Variants in DPP6 observed in about 807,000 individuals in gnomAD.
DPP6 encodes A-type potassium channel modulatory protein DPP6.
In DPP6, 69 loss-of-function variants were observed where a neutral mutation model predicts 122.6. The ratio of observed to expected loss-of-function variants is 0.56; its 90% confidence interval spans 0.46 to 0.69. DPP6 has a LOEUF of 0.69. DPP6 is among the 30% of genes least tolerant of loss of function. DPP6 has a pLI of 0.00. For missense variants in DPP6, 928 were observed against 1,116.9 expected (o/e 0.83, Z 2.41); for synonymous variants, 418 against 433.1 (o/e 0.97, Z 0.43).
rs997049912 is a variant in DPP6, at chr7:154,486,092, A to G, written c.457+11055A>G. On this transcript the variant is annotated intron_variant, in intron 3 of 25. Coordinates refer to ENST00000377770, the MANE Select transcript of DPP6 (RefSeq NM_130797.4). This position sits in a 1 kb window ranked among gnomAD's most constrained non-coding sequence, Gnocchi z 4.5. ...ATCCAGGGTGTTCCTGCCTCAGTGTACCTTGCCTCCCCGGTCTCCTCACCA... is the reference window on the plus strand; with the variant it reads ...ATCCAGGGTGTTCCTGCCTCAGTGTGCCTTGCCTCCCCGGTCTCCTCACCA... 1.3e-5 allele frequency among the ~76,000 whole-genome samples: 2 copies of G among 151,724 alleles called. No homozygotes were observed. Among genetic ancestry groups the G allele is most frequent in the African/African-American group, 4.8e-5 (2 of 41,280 alleles).
At chr7:154,062,748 C>T (rs1342935777) in intron 1 of DPP6, among the ~76,000 whole-genome samples, 6 of 70,088 alleles carry the variant, frequency 8.6e-5, no homozygotes, top group Non-Finnish European at 1.3e-4. Context: ...GCACCCTCCG[C>T]GAGGCAGGGA....
chr7:153,955,882 C>T (rs771281300), intron 1 of DPP6, among the ~76,000 whole-genome samples: 2 of 152,178 alleles, frequency 1.3e-5, no homozygotes, highest in Non-Finnish European at 2.9e-5. Flanking sequence ...TGTGCACTCT[C>T]AGATATAGCT....
rs1831605149 is a variant in DPP6 at position 154,575,620 on chromosome 7, TG to T, written c.627+8706del. Among the ~76,000 whole-genome samples the T allele has an allele frequency of 3.1e-4, 26 of 84,036 alleles. 1 individual carries two copies. Among genetic ancestry groups the T allele is most frequent in the African/African-American group, 1.2e-3 (23 of 19,042 alleles). The allele number at this position is 84,036 out of a possible 152,430, so 55.1% of individuals were successfully genotyped here. On this transcript the variant is annotated intron_variant, in intron 5 of 25. Transcript: ENST00000377770. ...TGTGTGTGGTGTGTGTATGTGTGTG[TG>T]GTGTGTGTGTGGTGTGTGTGGTGTG...
chr7:154,090,582 C>T (rs1804735194), intron 1 of DPP6, among the ~76,000 whole-genome samples: 1 of 151,912 alleles, frequency 6.6e-6, no homozygotes, highest in South Asian at 2.1e-4. Context: ...AATACAAAGC[C>T]ACCACCACCA....
intron 5 of DPP6, among the ~76,000 whole-genome samples, chr7:154,622,017 C>T (rs1834719502): frequency 6.6e-6 from 1 of 152,176 alleles, no homozygotes; most frequent in Non-Finnish European, 1.5e-5. Context: ...TGCTTATTTT[C>T]TCTGGTTTTA....
At chr7:154,705,608 G>A (rs1253257525) in intron 7 of DPP6, among the ~76,000 whole-genome samples, 2 of 152,184 alleles carry the variant, frequency 1.3e-5, no homozygotes, top group African/African-American at 4.8e-5. Flanking sequence ...CCCATGGCTG[G>A]GGTGGCAGGG....
intron 16 of DPP6, among the ~76,000 whole-genome samples, chr7:154,812,705 G>C (rs1171945431): frequency 6.6e-6 from 1 of 152,152 alleles, no homozygotes; most frequent in Non-Finnish European, 1.5e-5. Flanking sequence ...ATAAATGTGG[G>C]GGGGACATAA....
At position 154,887,825 on chromosome 7, in the gene DPP6, C is replaced by T. The variant is rs1227395227; in HGVS notation, c.2304+91C>T. Reference sequence around the variant, plus strand: ...GCCCTGGCTGTATGGCCCACTCTGCCTTCCCCAGCCCCATGCTTCTCCCTC... The same window carrying T: ...GCCCTGGCTGTATGGCCCACTCTGCTTTCCCCAGCCCCATGCTTCTCCCTC... On this transcript the variant is annotated intron_variant, in intron 23 of 25. Coordinates refer to ENST00000377770, the MANE Select transcript of DPP6 (RefSeq NM_130797.4). 12 of 1,425,634 alleles carry T rather than the reference C, an allele frequency of 8.4e-6. No homozygotes were observed. The Admixed American group carries it at 2.0e-4, about 24-fold the overall frequency. 88.3% of individuals were successfully genotyped at this position (1,425,634 alleles called of 1,614,324 possible). A position where few individuals can be genotyped will look rare whatever the true frequency, so the allele number is the denominator to read the frequency against.
intron 5 of DPP6, among the ~76,000 whole-genome samples, chr7:154,581,211 AG>A (rs899619216): frequency 6.6e-6 from 1 of 152,146 alleles, no homozygotes; most frequent in African/African-American, 2.4e-5. Flanking sequence ...GATACAAGCG[AG>A]GGTAGCAGGA....
chr7:154,345,634 T>C (rs1218745482), intron 1 of DPP6, among the ~76,000 whole-genome samples: 1 of 152,160 alleles, frequency 6.6e-6, no homozygotes, highest in African/African-American at 2.4e-5. Context: ...CGCCCCTACC[T>C]TGGGCTTTGC....
chr7:154,388,639 G>C (rs141094675), intron 1 of DPP6, among the ~76,000 whole-genome samples: 1 of 152,092 alleles, frequency 6.6e-6, no homozygotes, highest in Non-Finnish European at 1.5e-5. Flanking sequence ...CCAGGCCAGC[G>C]TGCTCTGGCT....
Position 154,857,261 on chromosome 7 carries a change from T to C in DPP6, c.1714+3434T>C, listed in dbSNP as rs183105111. ...GGGGTCCCATCTTGCTCAGTGTCTA[T>C]GTTACATTCAGACTTCATGATTTGA... On this transcript the variant is annotated intron_variant, in intron 17 of 25. Transcript: ENST00000377770. 4.3e-4 allele frequency among the ~76,000 whole-genome samples: 66 copies of C among 152,312 alleles called. 1 individual carries two copies. Among genetic ancestry groups the C allele is most frequent in the African/African-American group, 1.4e-3 (57 of 41,570 alleles).
At chr7:153,887,732 A>C (rs371202831) in exon 1 of DPP6, 41 of 1,613,614 alleles carry the variant, frequency 2.5e-5, no homozygotes, top group Non-Finnish European at 3.4e-5. Flanking sequence ...GGGGAACGTG[A>C]TGGTGAGTGC....
At chr7:153,847,921 A>T in the DPP6 span, among the ~76,000 whole-genome samples, 3 of 151,706 alleles carry the variant, frequency 2.0e-5, no homozygotes, top group South Asian at 4.2e-4. Flanking sequence ...GCAATGTCAC[A>T]CTCTCTTCTC....
chr7:153,883,498 G>C (rs372606035), upstream of DPP6, among the ~76,000 whole-genome samples: 1 of 152,042 alleles, frequency 6.6e-6, no homozygotes, highest in African/African-American at 2.4e-5. Flanking sequence ...TTCTGCCTCA[G>C]CCTCCTGAGT....
chr7:154,413,751 T>C (rs530456832), intron 1 of DPP6, among the ~76,000 whole-genome samples: 2 of 152,298 alleles, frequency 1.3e-5, no homozygotes, highest in South Asian at 4.1e-4. Context: ...AGTAACCAAT[T>C]ATTTATAATA....
chr7:153,882,969 A>C (rs563334433), upstream of DPP6, among the ~76,000 whole-genome samples: 1 of 152,358 alleles, frequency 6.6e-6, no homozygotes, highest in East Asian at 1.9e-4. Flanking sequence ...TGCGGTGAGA[A>C]TCGTAAGATA....
chr7:154,612,811 C>T (rs1833991748), intron 5 of DPP6, among the ~76,000 whole-genome samples: 1 of 152,172 alleles, frequency 6.6e-6, no homozygotes, highest in Non-Finnish European at 1.5e-5. Context: ...GTGGTGTTTT[C>T]ATTATCTTGT....
intron 17 of DPP6, among the ~76,000 whole-genome samples, chr7:154,856,892 CCTT>C (rs1347541352): frequency 6.6e-6 from 1 of 152,220 alleles, no homozygotes; most frequent in Non-Finnish European, 1.5e-5. Context: ...GCCTGTACTC[CCTT>C]CTTCTCTGTG....
Sources: allele counts gnomAD v4.1 joint callset (sites outside exome capture counted in the v4.1 genomes callset), GRCh38; gene constraint gnomAD v4.1.1; non-coding constraint Gnocchi (gnomAD v3.1); transcripts MANE v1.5; gene names NCBI Gene and HGNC (gene_info 2026-07-23, HGNC 2026-07-21).